PPM1L: variants seen among roughly 807,000 people sequenced by gnomAD.
PPM1L encodes protein phosphatase 1L.
PPM1L carries 13 observed loss-of-function variants against 31.4 expected under a neutral mutation model. The ratio of observed to expected loss-of-function variants is 0.41; its 90% confidence interval spans 0.27 to 0.66. The LOEUF (loss-of-function observed/expected upper bound fraction) is 0.66, where lower values mean the gene tolerates loss of function less well. Among genes scored for constraint, PPM1L ranks in the 30% least tolerant of loss-of-function variants. The pLI, the probability that PPM1L is intolerant of heterozygous loss-of-function variation, is 0.29. For synonymous variants in PPM1L, 184 were observed against 175.4 expected (o/e 1.05, Z -0.39); for missense variants, 326 against 453.7 (o/e 0.72, Z 2.56).
At chr3:160,999,096 AT>A (rs2108050151) in intron 2 of PPM1L, among the ~76,000 whole-genome samples, 1 of 152,308 alleles carries the variant, frequency 6.6e-6, no homozygotes, top group East Asian at 1.9e-4. Context: ...AAAAATACTA[AT>A]AATAGCCTAC....
chr3:160,829,234 TAAAAAAA>T (rs1232764941), intron 1 of PPM1L, among the ~76,000 whole-genome samples: 1 of 132,154 alleles, frequency 7.6e-6, no homozygotes, highest in East Asian at 2.2e-4. Context: ...CCACCCTTGA[TAAAAAAA>T]AAAAAAACCT....
chr3:160,798,243 C>G (rs1024164046), intron 1 of PPM1L, among the ~76,000 whole-genome samples: 2 of 152,070 alleles, frequency 1.3e-5, no homozygotes, highest in Non-Finnish European at 2.9e-5. Context: ...GAAGATATTG[C>G]TAAAATAATT....
At chr3:160,981,683 C>T (rs983015359) in intron 2 of PPM1L, among the ~76,000 whole-genome samples, 2 of 152,086 alleles carry the variant, frequency 1.3e-5, no homozygotes, top group African/African-American at 4.8e-5. Flanking sequence ...TACTCTTACT[C>T]TTCCAACTCC....
intron 2 of PPM1L, among the ~76,000 whole-genome samples, chr3:161,020,461 G>A (rs1057139321): frequency 3.1e-4 from 47 of 152,162 alleles, no homozygotes; most frequent in African/African-American, 1.1e-3. Context: ...TTTCAGAGAA[G>A]GGGAAATAGG....
chr3:160,907,612 A>G (rs1713808432), intron 1 of PPM1L, among the ~76,000 whole-genome samples: 1 of 152,182 alleles, frequency 6.6e-6, no homozygotes, highest in Non-Finnish European at 1.5e-5. Flanking sequence ...CTATCTAGCC[A>G]AATTCCTTTT....
intron 1 of PPM1L, among the ~76,000 whole-genome samples, chr3:160,931,945 T>G (rs1019505054): frequency 6.6e-6 from 1 of 152,216 alleles, no homozygotes; most frequent in African/African-American, 2.4e-5. Context: ...CTCAGAGACT[T>G]TTTTAATGCC....
At chr3:160,834,447 T>G (rs936015637) in intron 1 of PPM1L, among the ~76,000 whole-genome samples, 5 of 150,982 alleles carry the variant, frequency 3.3e-5, no homozygotes, top group African/African-American at 1.2e-4. Flanking sequence ...TTTTACCAGT[T>G]TTTACATGCA....
At chr3:161,064,787 CTCAGT>C (rs1415062046) in intron 2 of PPM1L, among the ~76,000 whole-genome samples, 1 of 152,146 alleles carries the variant, frequency 6.6e-6, no homozygotes, top group Non-Finnish European at 1.5e-5. Flanking sequence ...CTCCCTAGGC[CTCAGT>C]TCTGTCAACA....
intron 2 of PPM1L, among the ~76,000 whole-genome samples, chr3:160,985,281 T>G (rs2593812): frequency 0.36 from 55,089 of 152,068 alleles, 12,746 homozygotes; most frequent in Non-Finnish European, 0.52. Context: ...GTACCCAATG[T>G]GTATTCTCCC....
intron 2 of PPM1L, among the ~76,000 whole-genome samples, chr3:161,001,672 T>C (rs908099280): frequency 6.6e-6 from 1 of 152,204 alleles, no homozygotes; most frequent in Non-Finnish European, 1.5e-5. Flanking sequence ...CAGCTCTTTT[T>C]TTCTTCTATC....
At chr3:160,786,580 GTT>G (rs577130780) in intron 1 of PPM1L, among the ~76,000 whole-genome samples, 6 of 142,132 alleles carry the variant, frequency 4.2e-5, no homozygotes, top group African/African-American at 1.0e-4. Context: ...AGCCATTTGG[GTT>G]TTTTTTTTTT....
At chr3:160,767,423 T>A (rs777133423) in intron 1 of PPM1L, among the ~76,000 whole-genome samples, 24 of 151,906 alleles carry the variant, frequency 1.6e-4, no homozygotes, top group Admixed American at 2.6e-4. Context: ...TTGGTAGAGA[T>A]GGGGTTTTGC....
chr3:160,906,210 A>C (rs1408300199), intron 1 of PPM1L, among the ~76,000 whole-genome samples: 1 of 152,168 alleles, frequency 6.6e-6, no homozygotes, highest in African/African-American at 2.4e-5. Flanking sequence ...AGGTGTCTGG[A>C]TCAGTATGTC....
At chr3:161,017,894 G>A (rs1348009879) in intron 2 of PPM1L, among the ~76,000 whole-genome samples, 1 of 152,118 alleles carries the variant, frequency 6.6e-6, no homozygotes, top group Non-Finnish European at 1.5e-5. Flanking sequence ...TTACTCCAAT[G>A]AAGTACCTAA....
intron 1 of PPM1L, among the ~76,000 whole-genome samples, chr3:160,943,158 C>T (rs1231878046): frequency 6.6e-6 from 1 of 152,186 alleles, no homozygotes; most frequent in South Asian, 2.1e-4. Context: ...GAACCAAGAG[C>T]TTCTCACAGC....
At chr3:160,862,733 C>T (rs1371082787) in intron 1 of PPM1L, among the ~76,000 whole-genome samples, 1 of 149,384 alleles carries the variant, frequency 6.7e-6, no homozygotes, top group Non-Finnish European at 1.5e-5. Context: ...ACTGTCAAAT[C>T]CCCAGTGAGT....
At chr3:160,872,853 G>A (rs1352605633) in intron 1 of PPM1L, among the ~76,000 whole-genome samples, 3 of 152,234 alleles carry the variant, frequency 2.0e-5, no homozygotes, top group South Asian at 2.1e-4. Flanking sequence ...CTTGAACCCC[G>A]GAGGCAGAGC....
At chr3:160,940,299 G>A (rs1044815500) in intron 1 of PPM1L, among the ~76,000 whole-genome samples, 3 of 152,194 alleles carry the variant, frequency 2.0e-5, no homozygotes, top group Non-Finnish European at 4.4e-5. Context: ...CCATTTTCTG[G>A]TGAGAAATTC....
intron 1 of PPM1L, chr3:160,842,287 T>C: frequency 2.8e-6 from 2 of 702,592 alleles, no homozygotes; most frequent in South Asian, 3.0e-5. Flanking sequence ...GCCTGCTTTT[T>C]CAACAGTGAG....
Sources: allele counts gnomAD v4.1 joint callset (sites outside exome capture counted in the v4.1 genomes callset), GRCh38; gene constraint gnomAD v4.1.1; transcripts MANE v1.5; gene names NCBI Gene and HGNC (gene_info 2026-07-23, HGNC 2026-07-21).